ANK2: variants seen among roughly 807,000 people sequenced by gnomAD.
ANK2 encodes the protein ankyrin 2, also known as ankyrin-2.
ANK2 carries 83 observed loss-of-function variants against 360.5 expected under a neutral mutation model. The ratio of observed to expected loss-of-function variants is 0.23; its 90% CI spans 0.19 to 0.28. ANK2 has a LOEUF of 0.28. Among genes scored for constraint, ANK2 ranks in the 10% least tolerant of loss-of-function variants. The pLI is 1.00. For missense variants in ANK2, 4,201 were observed against 4,795.7 expected (o/e 0.88, Z 3.66); for synonymous variants, 1,740 against 1,759.5 (o/e 0.99, Z 0.28).
intron 1 of ANK2, among the ~76,000 whole-genome samples, chr4:112,843,082 A>G (rs758204846): frequency 2.0e-5 from 3 of 152,198 alleles, no homozygotes; most frequent in Non-Finnish European, 2.9e-5. Context: ...GCCTTGTATT[A>G]CATTGGGTCC....
intron 2 of ANK2, among the ~76,000 whole-genome samples, chr4:113,024,929 C>A (rs556990522): frequency 2.6e-5 from 4 of 152,134 alleles, no homozygotes; most frequent in Admixed American, 2.6e-4. Flanking sequence ...ATTATAACTA[C>A]CTATTCGTGT....
chr4:113,292,319 T>C, intron 20 of ANK2, 97 bp from the exon 21 acceptor site: 1 of 1,118,414 alleles, frequency 8.9e-7, no homozygotes, highest in Non-Finnish European at 1.3e-6. Context: ...TCTGTGATGG[T>C]TTTGTTGTAA....
At position 113,357,037 on chromosome 4, in the gene ANK2, A is replaced by G. The variant is rs777321326; in HGVS notation, c.8419A>G (p.Ile2807Val). ...TGATGATGTTGATGAACAGCCAGTC[A>G]TCTATAAAGAATCATTAGCTCTCCA... ...TGDDVDEQPV[I>V]YKESLALQGT... Residue 2807 changes from isoleucine to valine, a missense_variant, in exon 38 of 46, where the codon ATC becomes GTC. By Grantham distance (29) the Ile-to-Val change is conservative (BLOSUM62 3). Coordinates refer to ENST00000357077, the MANE Select transcript of ANK2 (RefSeq NM_001148.6). 10 of 1,613,966 alleles carry G rather than the reference A, an allele frequency of 6.2e-6. 1 individual carries two copies. The South Asian group carries it at 9.9e-5, about 16-fold the overall frequency.
rs151310604 is a variant in ANK2, at chr4:112,988,347, G to T, written c.21+83833G>T. Among the ~76,000 whole-genome samples, 385 of 152,276 alleles carry T rather than the reference G, an allele frequency of 2.5e-3. 1 individual carries two copies. The highest frequency in any genetic ancestry group is 8.6e-3 in the African/African-American group (359 of 41,568). On this transcript the variant is annotated intron_variant, in intron 2 of 30. Coordinates refer to the ANK2 transcript ENST00000503271. ...GTGTTAGGAGCATGTCTTACAGAAT[G>T]ATGGCTGAAGTATCTTGAATGAGTT...
chr4:113,063,306 A>G (rs192391372), intron 1 of ANK2, among the ~76,000 whole-genome samples: 1 of 152,240 alleles, frequency 6.6e-6, no homozygotes, highest in African/African-American at 2.4e-5. Context: ...ATAAGAGAAT[A>G]CTTGGTAACA....
chr4:112,810,345 G>A, the ANK2 span, among the ~76,000 whole-genome samples: 1,308 of 151,410 alleles, frequency 8.6e-3, 13 homozygotes, highest in African/African-American at 0.03. Context: ...CTTTTATCAT[G>A]AGCACAGCTA....
Position 113,356,932 on chromosome 4 carries a change from T to G in ANK2, c.8314T>G (p.Cys2772Gly). Residue 2772 changes from cysteine (C) to glycine (G), a missense_variant, in exon 38 of 46, where the codon TGT becomes GGT. Transcript: ENST00000357077. ...CAGAGACACTGATCAGCCAAAAATC[T>G]GTGATGGCCATGGATGTGAGGCCAT... is the stretch of plus-strand genomic sequence containing the variant. ...LNRDTDQPKI[C>G]DGHGCEAMSP... is the part of the protein sequence containing the mutation. The G allele has an allele frequency of 6.2e-7, 1 of 1,614,056 alleles. No homozygotes were observed. The highest frequency in any genetic ancestry group is 1.1e-5 in the South Asian group (1 of 91,078).
At chr4:112,940,740 G>A (rs747450244) in intron 2 of ANK2, among the ~76,000 whole-genome samples, 2 of 152,062 alleles carry the variant, frequency 1.3e-5, no homozygotes, top group Non-Finnish European at 2.9e-5. Context: ...GGAATCTATT[G>A]CAAATCTGTA....
rs928505608 is a variant in ANK2, at chr4:112,908,603, T to G, written c.21+4089T>G. Among the ~76,000 whole-genome samples the G allele has an allele frequency of 5.9e-5, 9 of 152,334 alleles. No individual in the cohort carries two copies. In the South Asian group the frequency reaches 1.9e-3, roughly 32 times the overall value. ...ATATCCTTAGAACCTGCTTCCTGTT[T>G]AGTCACTTCCTCTCAACCTTCCCTC... is the stretch of plus-strand genomic sequence containing the variant. On this transcript the variant is annotated intron_variant, in intron 2 of 30. Transcript: ENST00000503271.
At position 113,121,769 on chromosome 4, in the gene ANK2, A is replaced by G. The variant is rs146678668; in HGVS notation, c.85-52647A>G. ...TGTTTTCATTTAATTTCACAGTAAA[A>G]GGTTCTGATTAGTTATTTGCTTTTA... On this transcript the variant is annotated intron_variant, in intron 1 of 45. Transcript: ENST00000357077. Among the ~76,000 whole-genome samples, 283 of 152,202 alleles carry G rather than the reference A, an allele frequency of 1.9e-3. 2 individuals carry two copies. The highest frequency in any genetic ancestry group is 6.4e-3 in the African/African-American group (268 of 41,556).
At chr4:113,363,575 C>A in intron 40 of ANK2, 106 bp downstream of exon 40, 1 of 1,252,834 alleles carries the variant, frequency 8.0e-7, no homozygotes, top group Non-Finnish European at 1.2e-6. Context: ...TGCCATTAAT[C>A]TGCAGTACAG....
At chr4:112,965,050 A>G (rs1378286705) in intron 2 of ANK2, among the ~76,000 whole-genome samples, 1 of 152,302 alleles carries the variant, frequency 6.6e-6, no homozygotes, top group East Asian at 1.9e-4. Flanking sequence ...TGGTAACTCT[A>G]GTTTTAATTT....
upstream of ANK2, among the ~76,000 whole-genome samples, chr4:112,815,816 A>G (rs865895578): frequency 2.0e-5 from 3 of 152,216 alleles, no homozygotes; most frequent in African/African-American, 7.2e-5. Flanking sequence ...GACCACATCA[A>G]ACACCACGGG....
chr4:113,233,114 T>A (rs2099335053), intron 5 of ANK2, among the ~76,000 whole-genome samples: 1 of 6,866 alleles, frequency 1.5e-4, no homozygotes, highest in African/African-American at 5.6e-4. Flanking sequence ...CTGTTTTTTT[T>A]TTTTTTTTTT....
chr4:112,738,960 A>C, the ANK2 span: 9 of 707,650 alleles, frequency 1.3e-5, no homozygotes, highest in Non-Finnish European at 2.2e-5. Context: ...AAGGAGCTGG[A>C]AGTGCTGCTG....
chr4:113,154,475 A>G (rs1479039171), intron 1 of ANK2, among the ~76,000 whole-genome samples: 2 of 152,186 alleles, frequency 1.3e-5, no homozygotes, highest in African/African-American at 4.8e-5. Context: ...GGCTAGTACA[A>G]TATCTTGGCT....
chr4:112,975,928 T>A (rs552897089), intron 2 of ANK2, among the ~76,000 whole-genome samples: 6 of 152,352 alleles, frequency 3.9e-5, no homozygotes, highest in Admixed American at 6.5e-5. Flanking sequence ...TTAGTTTATG[T>A]TTAATTTGTT....
At chr4:113,284,140 A>ATGCATT (rs2063468428) in intron 18 of ANK2, among the ~76,000 whole-genome samples, 1 of 152,184 alleles carries the variant, frequency 6.6e-6, no homozygotes, top group Admixed American at 6.5e-5. Flanking sequence ...TTGCATTTTT[A>ATGCATT]TAAGAACGAA....
chr4:113,205,846 C>A (rs2098939455), intron 4 of ANK2, among the ~76,000 whole-genome samples: 1 of 152,190 alleles, frequency 6.6e-6, no homozygotes, highest in Non-Finnish European at 1.5e-5. Flanking sequence ...CCTTGAATTG[C>A]TTCCATATGG....
Sources: gnomAD v4.1 joint callset for allele counts (sites outside exome capture counted in the v4.1 genomes callset) on GRCh38, gnomAD v4.1.1 for gene constraint, MANE v1.5 for transcripts, NCBI Gene and HGNC (gene_info 2026-07-23, HGNC 2026-07-21) for gene names.